The following EPM2A variants were observed in gnomAD, a reference collection of about 807,000 sequenced individuals.
EPM2A encodes EPM2A glucan phosphatase, laforin.
EPM2A carries 21 observed loss-of-function variants against 26.5 expected under a neutral mutation model. The observed-to-expected ratio is 0.79, with a 90% CI of 0.56 to 1.14. The LOEUF is 1.14. EPM2A is among the 50% of genes most tolerant of loss of function. The pLI, the probability that EPM2A is intolerant of heterozygous loss-of-function variation, is 0.00. For synonymous variants in EPM2A, 217 were observed against 177.6 expected, an observed-to-expected ratio of 1.22 and a Z score of -1.76; for missense variants, 458 against 440.8, an observed-to-expected ratio of 1.04 and a Z score of -0.35.
chr6:145,565,539 C>G (rs1780873760), intron 2 of EPM2A, among the ~76,000 whole-genome samples: 1 of 152,222 alleles, frequency 6.6e-6, no homozygotes, highest in Admixed American at 6.5e-5. Context: ...ACCAGACCAT[C>G]TGCCAACCTC....
At chr6:145,680,516 T>C (rs1403318819) in intron 2 of EPM2A, among the ~76,000 whole-genome samples, 1 of 152,052 alleles carries the variant, frequency 6.6e-6, no homozygotes, top group East Asian at 1.9e-4. Flanking sequence ...GCATTAGGTG[T>C]ATCTCCTAAA....
intron 4 of EPM2A, among the ~76,000 whole-genome samples, chr6:145,448,232 C>T (rs1389379571): frequency 6.6e-6 from 1 of 152,048 alleles, no homozygotes; most frequent in African/African-American, 2.4e-5. Context: ...GTTAAGCCAT[C>T]CAAATGAAGT....
chr6:145,590,235 G>A (rs1371625241), intron 2 of EPM2A, among the ~76,000 whole-genome samples: 1 of 152,012 alleles, frequency 6.6e-6, no homozygotes, highest in Non-Finnish European at 1.5e-5. Context: ...ATCTCAACAG[G>A]TTCTCATGGT....
At chr6:145,406,280 T>C (rs1257168918) in intron 4 of EPM2A, among the ~76,000 whole-genome samples, 2 of 152,150 alleles carry the variant, frequency 1.3e-5, no homozygotes, top group Non-Finnish European at 2.9e-5. Flanking sequence ...GGCAAAGTGA[T>C]CATGTAAGTT....
chr6:145,585,987 T>A (rs965396272), intron 2 of EPM2A, among the ~76,000 whole-genome samples: 12 of 152,190 alleles, frequency 7.9e-5, no homozygotes, highest in African/African-American at 2.9e-4. Flanking sequence ...TCACATCTAG[T>A]TTTATCTCTC....
rs563796989 is a variant in EPM2A, at chr6:145,592,075, T to C, written c.340+43170A>G. ...GTGCACAAAGTGCAGGTTTGTTACA[T>C]ATGTATACATGTGCCATGTTGGTGT... On this transcript the variant is annotated intron_variant, in intron 2 of 3. Transcript: ENST00000450221. Among the ~76,000 whole-genome samples the C allele has an allele frequency of 6.3e-4, 96 of 152,054 alleles. No homozygotes were observed. In the Middle Eastern group the frequency reaches 0.014, roughly 22 times the overall value.
At chr6:145,468,221 G>A (rs4896810) in intron 4 of EPM2A, among the ~76,000 whole-genome samples, 2,427 of 152,074 alleles carry the variant, frequency 0.016, 31 homozygotes, top group Admixed American at 0.04. Flanking sequence ...CCTGTTACCT[G>A]TTTTATTCAG....
intron 2 of EPM2A, among the ~76,000 whole-genome samples, chr6:145,644,832 G>A (rs1777343044): frequency 6.6e-6 from 1 of 152,026 alleles, no homozygotes; most frequent in Non-Finnish European, 1.5e-5. Context: ...AATCAGAAAG[G>A]CCTCTGTCCT....
At chr6:145,574,794 A>C (rs1223055890) in intron 2 of EPM2A, among the ~76,000 whole-genome samples, 2 of 152,216 alleles carry the variant, frequency 1.3e-5, no homozygotes, top group Non-Finnish European at 2.9e-5. Flanking sequence ...TTGAGCTGCA[A>C]CATTAAATGA....
At chr6:145,573,895 C>T (rs1780994070) in intron 2 of EPM2A, among the ~76,000 whole-genome samples, 1 of 152,154 alleles carries the variant, frequency 6.6e-6, no homozygotes, top group Non-Finnish European at 1.5e-5. Flanking sequence ...AACTGGAGGA[C>T]CATAATGATG....
chr6:145,566,451 T>G (rs1300016056), intron 2 of EPM2A, among the ~76,000 whole-genome samples: 1 of 152,238 alleles, frequency 6.6e-6, no homozygotes, highest in Non-Finnish European at 1.5e-5. Flanking sequence ...TCCACCACAG[T>G]GTTCGGGTCT....
At chr6:145,407,838 T>C (rs1778590631) in intron 4 of EPM2A, among the ~76,000 whole-genome samples, 1 of 152,202 alleles carries the variant, frequency 6.6e-6, no homozygotes, top group Non-Finnish European at 1.5e-5. Flanking sequence ...AATGATACTG[T>C]CAGTTTGACT....
At chr6:145,394,001 C>T (rs1048978940) in intron 4 of EPM2A, among the ~76,000 whole-genome samples, 4 of 151,630 alleles carry the variant, frequency 2.6e-5, no homozygotes, top group African/African-American at 9.7e-5. Context: ...TTTTTTGTAT[C>T]TTTAGTAGAG....
At chr6:145,479,977 T>C (rs1425652480) in intron 4 of EPM2A, among the ~76,000 whole-genome samples, 9 of 152,070 alleles carry the variant, frequency 5.9e-5, no homozygotes, top group Admixed American at 3.9e-4. Flanking sequence ...TGGTATCTCA[T>C]TGTAGTTTTG....
At chr6:145,436,332 C>G (rs1228356572) in intron 4 of EPM2A, among the ~76,000 whole-genome samples, 2 of 152,144 alleles carry the variant, frequency 1.3e-5, no homozygotes, top group African/African-American at 4.8e-5. Flanking sequence ...GTGAACGTAT[C>G]TTTTCAATTC....
chr6:145,396,968 T>C (rs571058960), intron 4 of EPM2A, among the ~76,000 whole-genome samples: 25 of 152,332 alleles, frequency 1.6e-4, no homozygotes, highest in Middle Eastern at 6.8e-3. Flanking sequence ...GCACTTTCAC[T>C]GTGCCTATCA....
chr6:145,524,847 C>T (rs1239391781), intron 2 of EPM2A, among the ~76,000 whole-genome samples: 1 of 152,056 alleles, frequency 6.6e-6, no homozygotes, highest in Non-Finnish European at 1.5e-5. Flanking sequence ...TTTCTGAAGG[C>T]AGGTGTCCAG....
intron 2 of EPM2A, among the ~76,000 whole-genome samples, chr6:145,644,047 G>A (rs192187081): frequency 1.3e-5 from 2 of 152,006 alleles, no homozygotes; most frequent in South Asian, 2.1e-4. Context: ...ACCACAGTTC[G>A]AGTATCAACA....
In EPM2A at chr6:145,470,022, G is replaced by A. The variant is rs193125083; in HGVS notation, c.555+32500C>T. Among the ~76,000 whole-genome samples, 328 of 152,198 alleles carry A rather than the reference G, an allele frequency of 2.2e-3. 3 individuals are homozygous for A. Among genetic ancestry groups the A allele is most frequent in the African/African-American group, 7.2e-3 (298 of 41,550 alleles). ...TTAGAACTATGATTCCCAGAGGCTG[G>A]GAAGGGTAGTGGTAGGGGTAGGGGG... On this transcript the variant is annotated intron_variant, in intron 4 of 4. Transcript: ENST00000638717.
Sources: gnomAD v4.1 joint callset for allele counts (sites outside exome capture counted in the v4.1 genomes callset) on GRCh38, gnomAD v4.1.1 for gene constraint, MANE v1.5 for transcripts, NCBI Gene and HGNC (gene_info 2026-07-23, HGNC 2026-07-21) for gene names.